ZMAT4: variants seen among roughly 807,000 people sequenced by gnomAD.
ZMAT4 encodes the protein zinc finger matrin-type 4.
ZMAT4 carries 17 observed loss-of-function variants against 28.7 expected under a neutral mutation model. The ratio of observed to expected loss-of-function variants is 0.59; its 90% CI spans 0.41 to 0.89. The LOEUF is 0.89. Ranked by LOEUF, ZMAT4 falls within the 40% of genes least tolerant of loss-of-function variation. The pLI, the probability that ZMAT4 is intolerant of heterozygous loss-of-function variation, is 0.00. For synonymous variants in ZMAT4, 117 were observed against 109.2 expected, an observed-to-expected ratio of 1.07 and a Z score of -0.44; for missense variants, 240 against 283.8, an observed-to-expected ratio of 0.85 and a Z score of 1.11.
intron 1 of ZMAT4, among the ~76,000 whole-genome samples, chr8:40,869,302 C>T (rs1817773958): frequency 3.3e-5 from 5 of 152,172 alleles, no homozygotes; most frequent in Admixed American, 3.3e-4. Context: ...GTTGAGATCC[C>T]CAGTGAACAT....
chr8:40,576,886 G>T (rs536175583), intron 6 of ZMAT4, among the ~76,000 whole-genome samples: 2 of 152,236 alleles, frequency 1.3e-5, no homozygotes, highest in African/African-American at 4.8e-5. Context: ...CCAAAGGAAA[G>T]AAAGTCAGTG....
chr8:40,890,405 C>T (rs547498671), intron 1 of ZMAT4, among the ~76,000 whole-genome samples: 60 of 152,252 alleles, frequency 3.9e-4, no homozygotes, highest in Non-Finnish European at 6.9e-4. Flanking sequence ...CTTCTCCTCC[C>T]GGGGATGAAT....
chr8:40,753,463 GTTC>G (rs1294394784), intron 3 of ZMAT4, among the ~76,000 whole-genome samples: 1 of 152,152 alleles, frequency 6.6e-6, no homozygotes. Flanking sequence ...ACCTTGTGGA[GTTC>G]TTTATTCTAA....
At chr8:40,768,630 G>A (rs575243328) in intron 2 of ZMAT4, among the ~76,000 whole-genome samples, 12 of 152,268 alleles carry the variant, frequency 7.9e-5, no homozygotes, top group Admixed American at 1.3e-4. Flanking sequence ...TTATTGGAAT[G>A]TGTTTATATC....
At chr8:40,837,431 A>T (rs1816535765) in intron 1 of ZMAT4, among the ~76,000 whole-genome samples, 1 of 152,188 alleles carries the variant, frequency 6.6e-6, no homozygotes, top group South Asian at 2.1e-4. Flanking sequence ...TAAGGCACTA[A>T]GCCACTATGA....
At chr8:40,798,887 T>C (rs1814702427) in intron 2 of ZMAT4, among the ~76,000 whole-genome samples, 1 of 146,604 alleles carries the variant, frequency 6.8e-6, no homozygotes, top group African/African-American at 2.5e-5. Context: ...GTTTTTGAAC[T>C]GTGTTTCTAG....
intron 6 of ZMAT4, among the ~76,000 whole-genome samples, chr8:40,555,941 T>C (rs1803519763): frequency 1.3e-5 from 2 of 152,292 alleles, no homozygotes; most frequent in South Asian, 4.1e-4. Flanking sequence ...AGCCCACTTC[T>C]AGACTATGCA....
At chr8:40,537,433 C>A (rs1802880956) in intron 6 of ZMAT4, among the ~76,000 whole-genome samples, 1 of 152,190 alleles carries the variant, frequency 6.6e-6, no homozygotes, top group Non-Finnish European at 1.5e-5. Flanking sequence ...AAATTGGGAA[C>A]ATTCGAAAGT....
chr8:40,838,689 C>G (rs970820673), intron 1 of ZMAT4, among the ~76,000 whole-genome samples: 1 of 152,148 alleles, frequency 6.6e-6, no homozygotes, highest in East Asian at 1.9e-4. Flanking sequence ...TGCCACCAGC[C>G]CTGCCCCTCC....
chr8:40,537,144 G>A (rs1425056923), intron 6 of ZMAT4, among the ~76,000 whole-genome samples: 3 of 152,162 alleles, frequency 2.0e-5, no homozygotes, highest in Non-Finnish European at 4.4e-5. Context: ...AGGGGAGAAA[G>A]ATGAAGAGAG....
At chr8:40,613,180 CTTTT>C (rs34687121) in intron 5 of ZMAT4, among the ~76,000 whole-genome samples, 3 of 79,968 alleles carry the variant, frequency 3.8e-5, no homozygotes, top group Admixed American at 2.0e-4. Context: ...TACTTTCTTT[CTTTT>C]TTTTTTTTTT....
rs548284027 is a variant in ZMAT4 at position 40,591,403 on chromosome 8, T to C, written c.578-10142A>G. 2.0e-5 allele frequency among the ~76,000 whole-genome samples: 3 copies of C among 152,280 alleles called. No individual in the cohort carries two copies. The South Asian group carries it at 6.2e-4, about 32-fold the overall frequency. ...CAAGGTTGCTGAATCCTGGGCCAGA[T>C]GTGTGTGCAGGAACCAGGTGCAAGG... On this transcript the variant is annotated intron_variant, in intron 5 of 6. Coordinates refer to ENST00000297737, the MANE Select transcript of ZMAT4 (RefSeq NM_024645.3).
chr8:40,771,381 C>G (rs935975575), intron 2 of ZMAT4, among the ~76,000 whole-genome samples: 10 of 151,370 alleles, frequency 6.6e-5, no homozygotes, highest in African/African-American at 2.4e-4. Context: ...GGGAGTATGA[C>G]TGGTTTTTAT....
intron 5 of ZMAT4, among the ~76,000 whole-genome samples, chr8:40,659,576 T>A (rs915499351): frequency 6.6e-6 from 1 of 152,162 alleles, no homozygotes; most frequent in Admixed American, 6.5e-5. Context: ...CAGTGCATCA[T>A]TAAACATAAG....
chr8:40,765,339 G>T (rs945037469), intron 3 of ZMAT4, among the ~76,000 whole-genome samples: 2 of 152,046 alleles, frequency 1.3e-5, no homozygotes, highest in African/African-American at 4.8e-5. Flanking sequence ...TGACTTCCAC[G>T]CTGTGTCCAA....
chr8:40,886,191 G>C (rs1046099411), intron 1 of ZMAT4, among the ~76,000 whole-genome samples: 1 of 152,236 alleles, frequency 6.6e-6, no homozygotes, highest in African/African-American at 2.4e-5. Flanking sequence ...CACAGCCCCA[G>C]AGCCAGGGTG....
At chr8:40,660,166 G>A (rs982589154) in intron 5 of ZMAT4, among the ~76,000 whole-genome samples, 12 of 152,082 alleles carry the variant, frequency 7.9e-5, no homozygotes, top group Non-Finnish European at 1.6e-4. Context: ...TCGGGTCTAG[G>A]AACCCACTTA....
chr8:40,645,400 T>C (rs1466019364), intron 5 of ZMAT4, among the ~76,000 whole-genome samples: 1 of 152,204 alleles, frequency 6.6e-6, no homozygotes, highest in Non-Finnish European at 1.5e-5. Context: ...ATAATCAATA[T>C]TGTGTTTAAG....
At chr8:40,636,521 C>A (rs1806798203) in intron 5 of ZMAT4, among the ~76,000 whole-genome samples, 1 of 152,212 alleles carries the variant, frequency 6.6e-6, no homozygotes, top group Non-Finnish European at 1.5e-5. Context: ...ATTTCTACAG[C>A]TGCTTCCATT....
Sources: gnomAD v4.1 joint callset for allele counts (sites outside exome capture counted in the v4.1 genomes callset) on GRCh38, gnomAD v4.1.1 for gene constraint, MANE v1.5 for transcripts, NCBI Gene and HGNC (gene_info 2026-07-23, HGNC 2026-07-21) for gene names.